Variants in NEK9 observed in about 807,000 individuals in gnomAD.
NEK9 encodes the protein serine/threonine-protein kinase Nek9.
NEK9 carries 75 observed loss-of-function variants against 123.4 expected under a neutral mutation model. The ratio of observed to expected loss-of-function variants is 0.61; its 90% CI spans 0.50 to 0.74. The LOEUF is 0.74. Ranked by LOEUF, NEK9 falls within the 30% of genes least tolerant of loss-of-function variation. The pLI, the probability that NEK9 is intolerant of heterozygous loss-of-function variation, is 0.00. For missense variants in NEK9, 952 were observed against 1,214.4 expected (o/e 0.78, Z 3.21); for synonymous variants, 438 against 458.7 (o/e 0.95, Z 0.58).
chr14:75,105,896 TG>T, intron 13 of NEK9, 53 bp downstream of exon 13: 1 of 1,333,364 alleles, frequency 7.5e-7, no homozygotes, highest in Non-Finnish European at 1.1e-6. Flanking sequence ...GACATATTAT[TG>T]GAGTCTGTGC....
Position 75,103,883 on chromosome 14 carries a change from G to C in NEK9, c.1690C>G (p.Leu564Val). 1 of 1,613,972 alleles carries C rather than the reference G, an allele frequency of 6.2e-7. No homozygotes were observed. Among genetic ancestry groups the C allele is most frequent in the Non-Finnish European group, 8.5e-7 (1 of 1,179,968 alleles). Residue 564 changes from leucine to valine, a missense_variant, in exon 14 of 22, where the codon CTG becomes GTG. By Grantham distance (32) the Leu-to-Val change is conservative. Around this residue, in one of 4 missense-constraint regions of NEK9, gnomAD observed 698 missense variants for 875.6 expected, o/e 0.80. Coordinates refer to ENST00000238616, the MANE Select transcript of NEK9 (RefSeq NM_033116.6). ...CCCGACATGCACTGATTCAGACCCA[G>C]CTTATTGAATTCATTGAGTCCACAG... ...LACGLNEFNK[L>V]GLNQCMSGII...
chr14:75,097,103 C>G lies in NEK9; in HGVS notation c.2170G>C (p.Val724Leu). ...CCCAGACATATGAAACTCTTACCAA[C>G]GATGAGAATGGTATGCCATCCACGG... ...SCRGWHTILI[V>L]EKVLNSKTIR... Residue 724 changes from valine (V) to leucine (L), a missense_variant, in exon 17 of 22, where the codon GTT becomes CTT. By Grantham distance (32) the Val-to-Leu change is conservative (BLOSUM62 1). Around this residue, in one of 4 missense-constraint regions of NEK9, gnomAD observed 698 missense variants for 875.6 expected, o/e 0.80. Coordinates refer to ENST00000238616, the MANE Select transcript of NEK9 (RefSeq NM_033116.6). 6.2e-7 allele frequency: 1 copy of G among 1,602,978 alleles called. No homozygotes were observed. Among genetic ancestry groups the G allele is most frequent in the Non-Finnish European group, 8.5e-7 (1 of 1,174,116 alleles).
chr14:75,087,808 G>T (rs560122411), intron 20 of NEK9, among the ~76,000 whole-genome samples: 2 of 152,274 alleles, frequency 1.3e-5, no homozygotes, highest in South Asian at 4.1e-4. Flanking sequence ...TTATAGGAGG[G>T]TTCAACAAAT....
chr14:75,079,527 C>T lies in NEK9; in HGVS notation c.*5037G>A, dbSNP rs12431669. 31,224 of 152,220 alleles carry T rather than the reference C, an allele frequency of 0.21. 4,021 individuals are homozygous for T. The highest frequency in any genetic ancestry group is 0.27 in the Non-Finnish European group (18,701 of 68,006). 9.4% of individuals were successfully genotyped at this position (152,220 alleles called of 1,614,324 possible). ...CTTTAAGTGGGAATGTAAACCAGTA[C>T]ATTGCAATAGATGGCAAGAGTAAGC... is the stretch of plus-strand genomic sequence containing the variant. On this transcript the variant is annotated 3_prime_UTR_variant, in exon 22 of 22. Coordinates refer to ENST00000238616, the MANE Select transcript of NEK9 (RefSeq NM_033116.6).
intron 15 of NEK9, 50 bp from the exon 16 acceptor site, chr14:75,101,203 C>A: frequency 6.4e-7 from 1 of 1,560,886 alleles, no homozygotes. Context: ...GTCCTGGAAC[C>A]CAGAGAAGAT....
intron 17 of NEK9, among the ~76,000 whole-genome samples, chr14:75,096,176 G>C (rs555925472): frequency 1.3e-5 from 2 of 149,988 alleles, no homozygotes; most frequent in African/African-American, 4.9e-5. Context: ...CCAGCTACTC[G>C]AGAGACTGAG....
intron 19 of NEK9, among the ~76,000 whole-genome samples, chr14:75,090,561 TCTTA>T (rs914410339): frequency 2.6e-5 from 4 of 151,966 alleles, no homozygotes; most frequent in African/African-American, 9.7e-5. Context: ...ACTTCAACAT[TCTTA>T]CTTTTTTTTT....
chr14:75,090,277 C>CA (rs1894171560), intron 19 of NEK9, among the ~76,000 whole-genome samples: 2 of 118,868 alleles, frequency 1.7e-5, no homozygotes, highest in Admixed American at 8.6e-5. Flanking sequence ...CATGCTCGGT[C>CA]TTTTTTTTTT....
chr14:75,112,793 C>T (rs897972223), intron 8 of NEK9, among the ~76,000 whole-genome samples: 1 of 152,138 alleles, frequency 6.6e-6, no homozygotes, highest in African/African-American at 2.4e-5. Context: ...TGCACTCTAG[C>T]CTGGGTGACA....
intron 2 of NEK9, among the ~76,000 whole-genome samples, chr14:75,121,824 C>T (rs886937503): frequency 6.6e-5 from 10 of 152,030 alleles, no homozygotes; most frequent in Admixed American, 3.3e-4. Context: ...GAGCTGGGAT[C>T]GCACCACTGC....
intron 16 of NEK9, 126 bp downstream of exon 16, chr14:75,100,866 T>C: frequency 1.0e-6 from 1 of 967,436 alleles, no homozygotes; most frequent in Non-Finnish European, 1.5e-6. Flanking sequence ...CGGCCACCAA[T>C]TTAATACAAA....
At chr14:75,089,736 G>A (rs571492051) in intron 19 of NEK9, among the ~76,000 whole-genome samples, 1 of 147,194 alleles carries the variant, frequency 6.8e-6, no homozygotes, top group Admixed American at 6.8e-5. Context: ...GTCTCGCTCT[G>A]TCACCAGGCC....
rs10146482 is a variant in NEK9, at chr14:75,107,384, C to T, written c.1286G>A (p.Arg429His). ...GAAATCATCACCACATGACACCTGACGGATAGCTTTGCCTTGCAACTTTTC... is the reference window on the plus strand; with the variant it reads ...GAAATCATCACCACATGACACCTGATGGATAGCTTTGCCTTGCAACTTTTC... ...HVEKLQGKAI[R>H]QVSCGDDFTV... The change falls in exon 11 of 22, where the codon CGT becomes CAT. Residue 429 changes from arginine to histidine, a missense_variant. Arg to His is a conservative substitution (Grantham distance 29). Coordinates refer to ENST00000238616, the MANE Select transcript of NEK9 (RefSeq NM_033116.6). 0.49 allele frequency: 783,625 copies of T among 1,612,932 alleles called. 196,686 individuals carry two copies. The highest frequency in any genetic ancestry group is 0.83 in the East Asian group (37,145 of 44,820).
At chr14:75,126,673 G>A in intron 1 of NEK9, 30 bp downstream of exon 1, 1 of 1,386,718 alleles carries the variant, frequency 7.2e-7, no homozygotes, top group South Asian at 1.7e-5. Context: ...GACAGCGCCA[G>A]ACAGGGCGGC....
chr14:75,101,325 A>G (rs538742194), intron 15 of NEK9, among the ~76,000 whole-genome samples, 172 bp from the exon 16 acceptor site: 1 of 152,292 alleles, frequency 6.6e-6, no homozygotes, highest in East Asian at 1.9e-4. Flanking sequence ...ACTATAACCA[A>G]TTAGATCCAG....
chr14:75,124,250 CT>C, intron 1 of NEK9, 27 bp from the exon 2 acceptor site: 1 of 1,599,412 alleles, frequency 6.3e-7, no homozygotes, highest in Non-Finnish European at 8.6e-7. Context: ...AGGTATCGTG[CT>C]TTTCCTCTTG....
chr14:75,104,022 A>G, intron 13 of NEK9, 25 bp from the exon 14 acceptor site: 1 of 1,596,690 alleles, frequency 6.3e-7, no homozygotes, highest in Non-Finnish European at 8.5e-7. Context: ...TCAGAAAAAG[A>G]AATCCCAAAT....
At chr14:75,101,828 G>A in intron 14 of NEK9, 63 bp from the exon 15 acceptor site, 1 of 1,257,814 alleles carries the variant, frequency 8.0e-7, no homozygotes, top group Non-Finnish European at 1.2e-6. Flanking sequence ...AAATCAGGCT[G>A]AGAATGGAAA....
In NEK9 at chr14:75,101,748, G is replaced by A; in HGVS notation, c.1749C>T (p.Pro583=). The change falls in exon 15 of 22, where the codon CCC becomes CCT. Residue 583 remains proline (P), a synonymous_variant. Transcript: ENST00000238616. ...TGGCCAAGGTAAAGGACGTTGTGTA[G>A]GGAACTTCATGGTATGCCTGAAACA... ...IINHEAYHEV[P]YTTSFTLAKQ... 2 of 1,613,382 alleles carry A rather than the reference G, an allele frequency of 1.2e-6. No individual in the cohort carries two copies. Among genetic ancestry groups the A allele is most frequent in the Non-Finnish European group, 1.7e-6 (2 of 1,179,346 alleles).
Sources: allele counts gnomAD v4.1 joint callset (sites outside exome capture counted in the v4.1 genomes callset), GRCh38; gene constraint gnomAD v4.1.1; regional missense constraint gnomAD v4.1.1; transcripts MANE v1.5; gene names NCBI Gene and HGNC (gene_info 2026-07-23, HGNC 2026-07-21).